The following CDH7 variants were observed in gnomAD, a reference collection of about 807,000 sequenced individuals.
The protein encoded by CDH7 is cadherin-7.
CDH7 carries 25 observed loss-of-function variants against 71.8 expected under a neutral mutation model. That is an observed-to-expected ratio of 0.35 (90% CI 0.25 to 0.49). The LOEUF is 0.49. CDH7 is among the 20% of genes least tolerant of loss of function. CDH7 has a pLI of 0.99. For missense variants in CDH7, 862 were observed against 974.6 expected (o/e 0.88, Z 1.54); for synonymous variants, 381 against 363.8 (o/e 1.05, Z -0.54).
chr18:65,750,987 G>A (rs1394941931), upstream of CDH7: 1 of 152,218 alleles, frequency 6.6e-6, no homozygotes, highest in Non-Finnish European at 1.5e-5. Context: ...GGGCGGGCCC[G>A]AGCGGGTGTC....
At chr18:65,878,287 G>A (rs1157982947) in intron 11 of CDH7, among the ~76,000 whole-genome samples, 1 of 152,138 alleles carries the variant, frequency 6.6e-6, no homozygotes, top group African/African-American at 2.4e-5. Flanking sequence ...CTGGGATTCT[G>A]CTAACTCTAC....
At chr18:65,872,564 C>T (rs1032316669) in intron 11 of CDH7, among the ~76,000 whole-genome samples, 4 of 151,928 alleles carry the variant, frequency 2.6e-5, no homozygotes, top group Non-Finnish European at 5.9e-5. Context: ...ATTTCTGATC[C>T]ATCTGAAGCC....
At chr18:65,795,083 G>A (rs781520629) in intron 2 of CDH7, among the ~76,000 whole-genome samples, 9 of 152,056 alleles carry the variant, frequency 5.9e-5, no homozygotes, top group African/African-American at 2.2e-4. Context: ...TAGTAGTGAT[G>A]GGATTTTGAA....
chr18:65,808,520 A>T (rs535522680), intron 2 of CDH7, among the ~76,000 whole-genome samples: 24 of 152,352 alleles, frequency 1.6e-4, no homozygotes, highest in Admixed American at 2.6e-4. Flanking sequence ...ACAGAAACCA[A>T]AAGGTAAATC....
At chr18:65,802,472 C>T (rs1036158047) in intron 2 of CDH7, among the ~76,000 whole-genome samples, 3 of 152,002 alleles carry the variant, frequency 2.0e-5, no homozygotes, top group African/African-American at 7.3e-5. Context: ...ATACTTTTGC[C>T]TTGGTTATAG....
rs1471442969 is a variant in CDH7 at position 65,890,098 on chromosome 18, A to G, written c.*9204A>G. On this transcript the variant is annotated 3_prime_UTR_variant, in exon 12 of 12. Coordinates refer to ENST00000397968, the MANE Select transcript of CDH7 (RefSeq NM_004361.5). ...CATGCCAGGTGTCTCCCATTTTTTA[A>G]TGGTAGCTTAACTTCACCTGAAGCC... 1 of 152,040 alleles carries G rather than the reference A, an allele frequency of 6.6e-6. No homozygotes were observed. Among genetic ancestry groups the G allele is most frequent in the Non-Finnish European group, 1.5e-5 (1 of 67,994 alleles). The allele number at this position is 152,040 out of a possible 1,614,324, so 9.4% of individuals were successfully genotyped here.
intron 1 of CDH7, among the ~76,000 whole-genome samples, chr18:65,756,768 A>G (rs184370096): frequency 6.6e-6 from 1 of 152,314 alleles, no homozygotes; most frequent in Admixed American, 6.5e-5. Flanking sequence ...ATAGTCCTAT[A>G]TTTCCTTTTA....
chr18:65,814,553 G>T lies in CDH7; in HGVS notation c.574G>T (p.Val192Phe). The T allele has an allele frequency of 1.2e-6, 2 of 1,613,678 alleles. No individual in the cohort carries two copies. The highest frequency in any genetic ancestry group is 1.1e-5 in the South Asian group (1 of 91,046). The change falls in exon 4 of 12, where the codon GTC becomes TTC. Residue 192 changes from valine (V) to phenylalanine (F), a missense_variant. Transcript: ENST00000397968. Reference sequence around the variant, plus strand: ...TACATATGGCAACAGTGCCAGAGTGGTCTACAGTATTCTGCAAGGACAGCC... The same window carrying T: ...TACATATGGCAACAGTGCCAGAGTGTTCTACAGTATTCTGCAAGGACAGCC... ...DPTYGNSARV[V>F]YSILQGQPYF...
chr18:65,805,564 G>T (rs1416463357), intron 2 of CDH7, among the ~76,000 whole-genome samples: 1 of 152,192 alleles, frequency 6.6e-6, no homozygotes, highest in Non-Finnish European at 1.5e-5. Flanking sequence ...CATTCACTTT[G>T]AAATAACTTC....
rs180911197 is a variant in CDH7 at position 65,817,048 on chromosome 18, A to G, written c.625+2444A>G. Among the ~76,000 whole-genome samples, 17 of 152,274 alleles carry G rather than the reference A, an allele frequency of 1.1e-4. No homozygotes were observed. In the East Asian group the frequency reaches 3.3e-3, roughly 29 times the overall value. ...CATGCAGGTCCTTTGTTCTTAAATG[A>G]TTAAGTTTAAATACATCATCAGCAA... On this transcript the variant is annotated intron_variant, in intron 4 of 11. Transcript: ENST00000397968.
intron 3 of CDH7, among the ~76,000 whole-genome samples, chr18:65,811,232 A>G (rs1011775135): frequency 6.6e-6 from 1 of 152,008 alleles, no homozygotes; most frequent in African/African-American, 2.4e-5. Context: ...CATGCAATCA[A>G]CATACCTACG....
chr18:65,793,796 A>G (rs1308785525), intron 2 of CDH7, among the ~76,000 whole-genome samples: 1 of 152,172 alleles, frequency 6.6e-6, no homozygotes, highest in African/African-American at 2.4e-5. Context: ...TGTTGTCATC[A>G]TGTTTCTTTG....
intron 4 of CDH7, 60 bp from the exon 5 acceptor site, chr18:65,822,021 C>A: frequency 1.5e-6 from 2 of 1,310,980 alleles, no homozygotes; most frequent in Non-Finnish European, 2.2e-6. Context: ...TATCAGTATT[C>A]TTTGTTAGTA....
intron 2 of CDH7, among the ~76,000 whole-genome samples, chr18:65,782,626 C>T (rs1205974858): frequency 1.3e-5 from 2 of 152,140 alleles, no homozygotes; most frequent in Non-Finnish European, 2.9e-5. Flanking sequence ...GGAACCATTG[C>T]TCTTAGGGGA....
chr18:65,788,868 AAC>A (rs1202405093), intron 2 of CDH7, among the ~76,000 whole-genome samples: 1 of 152,232 alleles, frequency 6.6e-6, no homozygotes, highest in Non-Finnish European at 1.5e-5. Context: ...ACCTATAGCT[AAC>A]ACAGTTTGCC....
At chr18:65,851,422 A>G (rs1414077558) in intron 7 of CDH7, among the ~76,000 whole-genome samples, 1 of 152,192 alleles carries the variant, frequency 6.6e-6, no homozygotes, top group Non-Finnish European at 1.5e-5. Flanking sequence ...TATTTGTGTT[A>G]ATCTAGCTCA....
intron 6 of CDH7, among the ~76,000 whole-genome samples, chr18:65,828,182 A>G (rs1484696): frequency 0.73 from 111,141 of 151,758 alleles, 40,942 homozygotes; most frequent in East Asian, 0.98. Context: ...CCAGTGTCCA[A>G]ACAATCCTAC....
At chr18:65,876,649 A>G (rs536660275) in intron 11 of CDH7, among the ~76,000 whole-genome samples, 27 of 152,216 alleles carry the variant, frequency 1.8e-4, no homozygotes, top group African/African-American at 6.5e-4. Context: ...TTCCCCTAGT[A>G]CACTTCTTTA....
intron 2 of CDH7, among the ~76,000 whole-genome samples, chr18:65,788,902 G>A (rs1461478646): frequency 6.6e-6 from 1 of 152,024 alleles, no homozygotes; most frequent in African/African-American, 2.4e-5. Context: ...CAAACTTATG[G>A]GTTAAGGAAG....
Sources: gnomAD v4.1 joint callset for allele counts (sites outside exome capture counted in the v4.1 genomes callset) on GRCh38, gnomAD v4.1.1 for gene constraint, MANE v1.5 for transcripts, NCBI Gene and HGNC (gene_info 2026-07-23, HGNC 2026-07-21) for gene names.